GATA5: variants seen among roughly 807,000 people sequenced by gnomAD.
The protein encoded by GATA5 is transcription factor GATA-5.
A neutral mutation model predicts 35.0 loss-of-function variants in GATA5; 27 were observed. The observed-to-expected ratio is 0.77, with a 90% CI of 0.57 to 1.06. The LOEUF (loss-of-function observed/expected upper bound fraction) is 1.06. Ranked by LOEUF, GATA5 falls within the 50% of genes least tolerant of loss-of-function variation. The probability of loss-of-function intolerance (pLI) is 0.00; values close to 1 mark genes in which losing one functional copy is unlikely to be tolerated. For synonymous variants in GATA5, 306 were observed against 267.8 expected (o/e 1.14, Z -1.39); for missense variants, 612 against 580.0 (o/e 1.06, Z -0.57).
At chr20:62,475,590 T>G (rs1310602437) in intron 1 of GATA5, 48 bp from the exon 2 acceptor site, 1 of 1,167,570 alleles carries the variant, frequency 8.6e-7, no homozygotes, top group African/African-American at 1.6e-5. Context: ...CTCTGCGCCC[T>G]CCGCCAGCGC....
intron 3 of GATA5, among the ~76,000 whole-genome samples, chr20:62,467,564 C>T (rs565037290): frequency 3.9e-5 from 6 of 152,342 alleles, no homozygotes; most frequent in African/African-American, 1.4e-4. Context: ...CTGACCCCAT[C>T]GGTCCCCTTC....
chr20:62,468,192 A>G (rs1410316929), intron 3 of GATA5, among the ~76,000 whole-genome samples: 2 of 145,556 alleles, frequency 1.4e-5, no homozygotes, highest in Non-Finnish European at 3.0e-5. Context: ...ACAGCCCTCT[A>G]TGAGCAGACA....
chr20:62,473,130 A>G (rs1989761716), intron 3 of GATA5, among the ~76,000 whole-genome samples: 1 of 152,174 alleles, frequency 6.6e-6, no homozygotes, highest in Non-Finnish European at 1.5e-5. Context: ...GTTGCTCCAG[A>G]GCCTGGGCTC....
Position 62,465,384 on chromosome 20 carries a change from T to A in GATA5, c.994A>T (p.Ser332Cys). ...SSAATSKAKP[S>C]LASPVCPGPS... Reference sequence around the variant, plus strand: ...CCAGGGCACACTGGGGACGCCAGGCTGGGCTTGGCTTTCGAAGTGGCTGCT... The same window carrying A: ...CCAGGGCACACTGGGGACGCCAGGCAGGGCTTGGCTTTCGAAGTGGCTGCT... Residue 332 changes from serine (S) to cysteine (C), a missense_variant, in exon 6 of 7, where the codon AGC becomes TGC. Transcript: ENST00000252997. 6.2e-7 allele frequency: 1 copy of A among 1,602,764 alleles called. No homozygotes were observed. The highest frequency in any genetic ancestry group is 2.2e-5 in the East Asian group (1 of 44,560).
intron 3 of GATA5, among the ~76,000 whole-genome samples, chr20:62,468,093 C>T (rs561747271): frequency 2.0e-5 from 3 of 147,840 alleles, no homozygotes; most frequent in East Asian, 2.0e-4. Flanking sequence ...CAGCCCGCCT[C>T]GGTTTCCCCA....
At chr20:62,471,899 CTTT>C (rs782266668) in intron 3 of GATA5, among the ~76,000 whole-genome samples, 1 of 134,992 alleles carries the variant, frequency 7.4e-6, no homozygotes. Flanking sequence ...TGACTAATTT[CTTT>C]TTTTTTTTTT....
At chr20:62,473,633 C>G in intron 2 of GATA5, 55 bp from the exon 3 acceptor site, 1 of 1,523,580 alleles carries the variant, frequency 6.6e-7, no homozygotes, top group Non-Finnish European at 8.9e-7. Flanking sequence ...GGATCCTCCC[C>G]AGCTCATGGG....
chr20:62,465,279 C>G, intron 6 of GATA5, 61 bp downstream of exon 6: 6 of 1,525,426 alleles, frequency 3.9e-6, no homozygotes, highest in Non-Finnish European at 5.3e-6. Flanking sequence ...TGGGATCTGA[C>G]TTGGCGGAGG....
intron 6 of GATA5, 37 bp from the exon 7 acceptor site, chr20:62,465,028 G>A (rs1555895903): frequency 2.5e-6 from 3 of 1,204,274 alleles, no homozygotes; most frequent in Non-Finnish European, 3.5e-6. Context: ...GTGGGGTGGG[G>A]CGTGGGGCGT....
At chr20:62,475,723 C>A (rs1214637433) in intron 1 of GATA5, among the ~76,000 whole-genome samples, 181 bp from the exon 2 acceptor site, 2 of 152,092 alleles carry the variant, frequency 1.3e-5, no homozygotes, top group African/African-American at 2.4e-5. Flanking sequence ...GAGAGGCCAG[C>A]GCGTCATCCC....
intron 2 of GATA5, among the ~76,000 whole-genome samples, 181 bp from the exon 3 acceptor site, chr20:62,473,759 T>A (rs1159659798): frequency 2.6e-5 from 4 of 152,250 alleles, no homozygotes; most frequent in Non-Finnish European, 5.9e-5. Flanking sequence ...TACTTCATCT[T>A]ATTTTTAAAT....
At chr20:62,465,130 G>T in intron 6 of GATA5, 139 bp from the exon 7 acceptor site, 1 of 900,670 alleles carries the variant, frequency 1.1e-6, no homozygotes. Context: ...GGAATGGCAT[G>T]GGGGACCCCA....
chr20:62,465,730 G>A, intron 5 of GATA5, 104 bp downstream of exon 5: 1 of 999,980 alleles, frequency 1.0e-6, no homozygotes, highest in South Asian at 1.4e-5. Flanking sequence ...TGGACTTCCA[G>A]AGGACTGTGC....
At position 62,475,028 on chromosome 20, in the gene GATA5, T is replaced by A. The variant is rs1267045225; in HGVS notation, c.494A>T (p.His165Leu). 1.4e-6 allele frequency: 2 copies of A among 1,389,696 alleles called. No individual in the cohort carries two copies. Among genetic ancestry groups the A allele is most frequent in the African/African-American group, 3.0e-5 (2 of 66,128 alleles). The allele number at this position is 1,389,696 out of a possible 1,614,324, so 86.1% of individuals were successfully genotyped here. A position where few individuals can be genotyped will look rare whatever the true frequency, so the allele number is the denominator to read the frequency against. Residue 165 changes from histidine (H) to leucine (L), a missense_variant, in exon 2 of 7, where the codon CAC becomes CTC. His to Leu is a moderately conservative substitution (Grantham distance 99). Coordinates refer to ENST00000252997, the MANE Select transcript of GATA5 (RefSeq NM_080473.5). ...TAGPFDGSVL[H>L]GLPGRRPTFV... ...GGTGGGCCTGCGGCCTGGGAGGCCGTGCAGGACGCTGCCATCGAAGGGCCC... is the reference window on the plus strand; with the variant it reads ...GGTGGGCCTGCGGCCTGGGAGGCCGAGCAGGACGCTGCCATCGAAGGGCCC...
rs1555896957 is a variant in GATA5, at chr20:62,475,009, C to T, written c.513G>A (p.Arg171=). Residue 171 remains arginine, a synonymous_variant, in exon 2 of 7, where the codon AGG becomes AGA. Coordinates refer to ENST00000252997, the MANE Select transcript of GATA5 (RefSeq NM_080473.5). ...GSVLHGLPGR[R]PTFVSDFLEE... The stretch of plus-strand genomic sequence containing the variant: ...AGCCCCCGCACTCACCGAAGGTGGG[C>T]CTGCGGCCTGGGAGGCCGTGCAGGA... 4 of 1,353,976 alleles carry T rather than the reference C, an allele frequency of 3.0e-6. No individual in the cohort carries two copies. Among genetic ancestry groups the T allele is most frequent in the Admixed American group, 3.7e-5 (1 of 27,340 alleles). The allele number at this position is 1,353,976 out of a possible 1,614,324, so 83.9% of individuals were successfully genotyped here.
In GATA5 at chr20:62,465,214, G is replaced by A. The variant is rs978484127; in HGVS notation, c.1038+126C>T. 68 of 1,124,662 alleles carry A rather than the reference G, an allele frequency of 6.0e-5. No homozygotes were observed. In the South Asian group the frequency reaches 6.1e-4, roughly 10 times the overall value. The allele number at this position is 1,124,662 out of a possible 1,614,324, so 69.7% of individuals were successfully genotyped here. A position where few individuals can be genotyped will look rare whatever the true frequency, so the allele number is the denominator to read the frequency against. On this transcript the variant is annotated intron_variant, in intron 6 of 6. Coordinates refer to ENST00000252997, the MANE Select transcript of GATA5 (RefSeq NM_080473.5). ...GGGAAGGGCCACCATACTGATGGCCGAAGGCAGCCGGTGTGTCCAGCCCAC... is the reference window on the plus strand; with the variant it reads ...GGGAAGGGCCACCATACTGATGGCCAAAGGCAGCCGGTGTGTCCAGCCCAC...
At chr20:62,465,960 T>C in intron 4 of GATA5, 39 bp from the exon 5 acceptor site, 1 of 1,435,962 alleles carries the variant, frequency 7.0e-7, no homozygotes, top group Non-Finnish European at 9.6e-7. Flanking sequence ...GTCCCATCCC[T>C]GCTCACCCCG....
chr20:62,464,962 G>A lies in GATA5; in HGVS notation c.1068C>T (p.Ala356=), dbSNP rs782104382. The A allele has an allele frequency of 1.4e-5, 23 of 1,610,026 alleles. No homozygotes were observed. In the South Asian group the frequency reaches 1.7e-4, roughly 12 times the overall value. The part of the protein sequence containing the change: ...QASGQEDDSL[A]PGHLEFKFEP... ...CGAACTTGAACTCCAAGTGGCCGGG[G>A]GCAAGAGAGTCATCCTCCTGGCCAG... Residue 356 remains alanine (A), a synonymous_variant, in exon 7 of 7, where the codon GCC becomes GCT. Coordinates refer to ENST00000252997, the MANE Select transcript of GATA5 (RefSeq NM_080473.5).
intron 3 of GATA5, among the ~76,000 whole-genome samples, chr20:62,469,688 G>A (rs79307585): frequency 0.034 from 5,242 of 152,336 alleles, 280 homozygotes; most frequent in African/African-American, 0.12. Context: ...TTTTCACAGT[G>A]AGCATGTTTC....
Sources: gnomAD v4.1 joint callset for allele counts (sites outside exome capture counted in the v4.1 genomes callset) on GRCh38, gnomAD v4.1.1 for gene constraint, MANE v1.5 for transcripts, NCBI Gene and HGNC (gene_info 2026-07-23, HGNC 2026-07-21) for gene names.